Variants in XDH observed in about 807,000 individuals in gnomAD.
XDH encodes the protein xanthine dehydrogenase.
Under a neutral mutation model 156.1 loss-of-function variants are expected in XDH, and 138 were observed. That is an observed-to-expected ratio of 0.88 (90% CI 0.77 to 1.02). The LOEUF (loss-of-function observed/expected upper bound fraction) is 1.02. XDH is among the 50% of genes least tolerant of loss of function. XDH has a pLI of 0.00. For missense variants in XDH, 1,849 were observed against 1,684.9 expected, an observed-to-expected ratio of 1.10 and a Z score of -1.71; for synonymous variants, 669 against 625.7, an observed-to-expected ratio of 1.07 and a Z score of -1.03.
At position 31,386,560 on chromosome 2, in the gene XDH, G is replaced by A. The variant is rs1318178096; in HGVS notation, c.652-5C>T. On this transcript the variant is annotated splice_region_variant and splice_polypyrimidine_tract_variant and intron_variant, in intron 8 of 35. Coordinates refer to ENST00000379416, the MANE Select transcript of XDH (RefSeq NM_000379.4). ...CCGAGGAGTGTCTTTCAGCCTCTGGGAAATGCAGTTTTCTTACTACACTGT... is the reference window on the plus strand; with the variant it reads ...CCGAGGAGTGTCTTTCAGCCTCTGGAAAATGCAGTTTTCTTACTACACTGT... 6.2e-7 allele frequency: 1 copy of A among 1,613,974 alleles called. No individual in the cohort carries two copies. The highest frequency in any genetic ancestry group is 2.2e-5 in the East Asian group (1 of 44,874).
chr2:31,372,484 A>G, intron 16 of XDH, 87 bp from the exon 17 acceptor site: 1 of 1,580,658 alleles, frequency 6.3e-7, no homozygotes, highest in South Asian at 1.1e-5. Context: ...GCTTCATGCT[A>G]CATGGCAAAG....
At chr2:31,398,544 C>T (rs1686972982) in intron 5 of XDH, 29 bp downstream of exon 5, 5 of 1,613,456 alleles carry the variant, frequency 3.1e-6, no homozygotes, top group Admixed American at 1.7e-5. Context: ...TGCCATTCCA[C>T]CTCCTAGGCT....
intron 31 of XDH, among the ~76,000 whole-genome samples, chr2:31,343,334 T>TTATATATATATATATATATA (rs1395120699): frequency 8.9e-6 from 1 of 112,082 alleles, no homozygotes; most frequent in Non-Finnish European, 1.9e-5. Flanking sequence ...ATATGCATGT[T>TTATATATATATATATATATA]TATACATATA....
rs189800575 is a variant in XDH, at chr2:31,358,978, C to T, written c.2631+5180G>A. On this transcript the variant is annotated intron_variant, in intron 24 of 35. Coordinates refer to ENST00000379416, the MANE Select transcript of XDH (RefSeq NM_000379.4). ...GGAAGAAAAAAACCATCCCTATTTG[C>T]AGATGATAATGATTGTCTGCAGAGA... Among the ~76,000 whole-genome samples the T allele has an allele frequency of 1.1e-4, 17 of 152,156 alleles. No homozygotes were observed. In the East Asian group the frequency reaches 2.9e-3, roughly 26 times the overall value.
At chr2:31,343,412 A>G (rs1685188232) in intron 31 of XDH, among the ~76,000 whole-genome samples, 2 of 143,878 alleles carry the variant, frequency 1.4e-5, no homozygotes, top group African/African-American at 2.5e-5. Flanking sequence ...ATGTTCATAT[A>G]TGGCATAGAA....
intron 1 of XDH, among the ~76,000 whole-genome samples, chr2:31,410,810 G>C (rs1572576241): frequency 6.6e-6 from 1 of 152,192 alleles, no homozygotes; most frequent in Admixed American, 6.5e-5. Context: ...AGCTGTTCTA[G>C]ATTAGAGGAG....
At chr2:31,367,219 G>A (rs1164430048) in intron 20 of XDH, among the ~76,000 whole-genome samples, 1 of 152,194 alleles carries the variant, frequency 6.6e-6, no homozygotes, top group Admixed American at 6.5e-5. Flanking sequence ...AAGAAAGAAC[G>A]ACACTGAAAT....
At chr2:31,413,284 A>G (rs1427243312) in intron 1 of XDH, among the ~76,000 whole-genome samples, 1 of 152,228 alleles carries the variant, frequency 6.6e-6, no homozygotes, top group African/African-American at 2.4e-5. Flanking sequence ...CTAGATTTCT[A>G]CAATGTAATT....
chr2:31,360,303 G>A (rs979768774), intron 24 of XDH, among the ~76,000 whole-genome samples: 9 of 152,146 alleles, frequency 5.9e-5, no homozygotes, highest in Non-Finnish European at 1.2e-4. Context: ...TTCGAGACCA[G>A]CCTGGCCAAC....
chr2:31,406,058 G>A (rs1047003150), intron 1 of XDH, 94 bp from the exon 2 acceptor site: 2 of 1,346,316 alleles, frequency 1.5e-6, no homozygotes, highest in Non-Finnish European at 2.1e-6. Flanking sequence ...TCAATAATTT[G>A]TAGAGTTAGT....
Position 31,387,833 on chromosome 2 carries a change from G to T in XDH, c.629C>A (p.Pro210His). The T allele has an allele frequency of 6.3e-7, 1 of 1,585,828 alleles. No homozygotes were observed. The highest frequency in any genetic ancestry group is 8.6e-7 in the Non-Finnish European group (1 of 1,166,360). ...EFTPLDPTQE[P>H]IFPPELLRLK... is the part of the protein sequence containing the mutation. ...TACCAGCAACTCTGGGGGAAAAATG[G>T]GCTCCTGGGTTGGATCCAGGGGCGT... The change falls in exon 8 of 36, where the codon CCC (proline) becomes CAC (histidine). Residue 210 changes from proline to histidine, a missense_variant. By Grantham distance (77) the Pro-to-His change is moderately conservative (BLOSUM62 -2). Transcript: ENST00000379416.
chr2:31,376,950 G>A, intron 14 of XDH, 103 bp downstream of exon 14: 2 of 1,431,936 alleles, frequency 1.4e-6, no homozygotes, highest in South Asian at 1.2e-5. Context: ...AGTAGTAGCA[G>A]CAATAGTAAT....
rs147253350 is a variant in XDH, at chr2:31,339,499, T to C, written c.3764A>G (p.Tyr1255Cys). The C allele has an allele frequency of 3.1e-6, 5 of 1,614,106 alleles. No individual in the cohort carries two copies. Among genetic ancestry groups the C allele is most frequent in the Non-Finnish European group, 2.5e-6 (3 of 1,180,036 alleles). ...CCAGAGCAATGGTACCTTCGATGCA[T>C]AGATGGCCTTCTTGTTGGGGCAGTC... is the stretch of plus-strand genomic sequence containing the variant. ...LRDCPNKKAI[Y>C]ASKAVGEPPL... Residue 1255 changes from tyrosine to cysteine, a missense_variant, in exon 34 of 36, where the codon TAT becomes TGT. Tyr to Cys is a radical substitution (Grantham distance 194). Coordinates refer to ENST00000379416, the MANE Select transcript of XDH (RefSeq NM_000379.4).
At chr2:31,394,055 T>C (rs1025927300) in intron 6 of XDH, among the ~76,000 whole-genome samples, 15 of 152,170 alleles carry the variant, frequency 9.9e-5, no homozygotes, top group African/African-American at 3.6e-4. Context: ...AACAAATTGC[T>C]ATCTGTTAGA....
chr2:31,336,935 C>G (rs1416924802), intron 35 of XDH, among the ~76,000 whole-genome samples: 1 of 149,944 alleles, frequency 6.7e-6, no homozygotes, highest in African/African-American at 2.5e-5. Flanking sequence ...CACTCAGAGG[C>G]TGGGCTGGTT....
At chr2:31,362,803 A>G (rs1347319089) in intron 24 of XDH, among the ~76,000 whole-genome samples, 1 of 152,256 alleles carries the variant, frequency 6.6e-6, no homozygotes, top group East Asian at 1.9e-4. Flanking sequence ...CCACAGATTC[A>G]GCAATTCTAT....
intron 3 of XDH, among the ~76,000 whole-genome samples, chr2:31,402,202 C>T (rs757972699): frequency 6.6e-6 from 1 of 152,118 alleles, no homozygotes; most frequent in South Asian, 2.1e-4. Context: ...AAGTAGTCAA[C>T]AAACTTATAA....
Position 31,392,757 on chromosome 2 carries a change from G to T in XDH, c.496-4462C>A, listed in dbSNP as rs1373525169. 2.0e-5 allele frequency among the ~76,000 whole-genome samples: 3 copies of T among 152,204 alleles called. No homozygotes were observed. In the East Asian group the frequency reaches 5.8e-4, roughly 29 times the overall value. On this transcript the variant is annotated intron_variant, in intron 6 of 35. Transcript: ENST00000379416. ...TTTTTAATCTTCCTTTCTAATATAT[G>T]CATTCAATACTATAAATTTCCCTCT...
chr2:31,410,599 A>G (rs942325572), intron 1 of XDH, among the ~76,000 whole-genome samples: 4 of 152,220 alleles, frequency 2.6e-5, no homozygotes, highest in African/African-American at 9.6e-5. Flanking sequence ...AAAAAGACCC[A>G]AAAACTGACG....
Sources: allele counts gnomAD v4.1 joint callset (sites outside exome capture counted in the v4.1 genomes callset), GRCh38; gene constraint gnomAD v4.1.1; transcripts MANE v1.5; gene names NCBI Gene and HGNC (gene_info 2026-07-23, HGNC 2026-07-21).